Variants in ZFYVE16 observed in about 807,000 individuals in gnomAD.
The protein encoded by ZFYVE16 is zinc finger FYVE-type containing 16.
In ZFYVE16, 89 loss-of-function variants were observed where a neutral mutation model predicts 138.1. That is an observed-to-expected ratio of 0.64 (90% CI 0.54 to 0.77). The LOEUF is 0.77. Among genes scored for constraint, ZFYVE16 ranks in the 30% least tolerant of loss-of-function variants. ZFYVE16 has a pLI of 0.00. For missense variants in ZFYVE16, 1,793 were observed against 1,786.7 expected, an observed-to-expected ratio of 1.00 and a Z score of -0.06; for synonymous variants, 596 against 618.3, an observed-to-expected ratio of 0.96 and a Z score of 0.53.
intron 15 of ZFYVE16, among the ~76,000 whole-genome samples, chr5:80,471,485 C>A (rs1051227078): frequency 6.6e-6 from 1 of 152,190 alleles, no homozygotes; most frequent in South Asian, 2.1e-4. Flanking sequence ...GTGACCATCT[C>A]ACCTCATAAT....
At chr5:80,474,631 C>A (rs771262635) in intron 17 of ZFYVE16, 32 bp from the exon 18 acceptor site, 3 of 1,567,212 alleles carry the variant, frequency 1.9e-6, no homozygotes, top group Admixed American at 3.8e-5. Context: ...TACTTTTAAT[C>A]ATGACTTGTT....
chr5:80,473,135 A>C (rs893769768), intron 16 of ZFYVE16, among the ~76,000 whole-genome samples: 1 of 152,184 alleles, frequency 6.6e-6, no homozygotes, highest in Non-Finnish European at 1.5e-5. Context: ...AGGATGGTCC[A>C]TTTGAGAGGG....
In ZFYVE16 at chr5:80,445,253, T is replaced by C. The variant is rs1751173268; in HGVS notation, c.2582-10T>C. The C allele has an allele frequency of 1.2e-6, 2 of 1,603,912 alleles. No individual in the cohort carries two copies. Among genetic ancestry groups the C allele is most frequent in the African/African-American group, 1.3e-5 (1 of 74,384 alleles). ...AGATTCAAATGTTTTACTTTTTCAA[T>C]TGATTCTAGGACTATGTTCCAAAGA... is the stretch of plus-strand genomic sequence containing the variant. On this transcript the variant is annotated splice_polypyrimidine_tract_variant and intron_variant, in intron 6 of 18. Transcript: ENST00000505560.
intron 7 of ZFYVE16, among the ~76,000 whole-genome samples, chr5:80,446,044 C>T (rs1279798238): frequency 6.6e-6 from 1 of 151,642 alleles, no homozygotes; most frequent in Non-Finnish European, 1.5e-5. Flanking sequence ...TACAGGCATC[C>T]ACCACCACAC....
chr5:80,411,608 C>T (rs1398095654), intron 1 of ZFYVE16: 1 of 152,148 alleles, frequency 6.6e-6, no homozygotes, highest in African/African-American at 2.4e-5. Flanking sequence ...TATCTGATGG[C>T]AGGCTCTTGT....
In ZFYVE16 at chr5:80,438,647, C is replaced by A. The variant is rs1390050947; in HGVS notation, c.1962C>A (p.Ser654Arg). The change falls in exon 4 of 19, where the codon AGC (serine) becomes AGA (arginine). Residue 654 changes from serine to arginine, a missense_variant. By Grantham distance (110) the Ser-to-Arg change is moderately radical. Transcript: ENST00000505560. ...VGGARPKQLF[S>R]LPSRTRSSKD... ...GGGCCAGACCTAAGCAATTGTTTAG[C>A]CTTCCATCAAGAACAAGGAGTTCAA... is the stretch of plus-strand genomic sequence containing the variant. The A allele has an allele frequency of 6.2e-7, 1 of 1,613,910 alleles. No individual in the cohort carries two copies. Among genetic ancestry groups the A allele is most frequent in the African/African-American group, 1.3e-5 (1 of 74,904 alleles).
chr5:80,464,119 C>G (rs758725676), intron 15 of ZFYVE16, among the ~76,000 whole-genome samples: 2 of 152,200 alleles, frequency 1.3e-5, no homozygotes, highest in African/African-American at 2.4e-5. Context: ...TCCAAAGTCA[C>G]TTCCACATTT....
At position 80,477,643 on chromosome 5, in the gene ZFYVE16, T is replaced by C. The variant is rs900066600; in HGVS notation, c.*266T>C. The stretch of plus-strand genomic sequence containing the variant: ...GATTTCTTTTAAGAAATTTATAGCA[T>C]TTACTGTGTTATTTAAATGCTAAGC... On this transcript the variant is annotated 3_prime_UTR_variant, in exon 19 of 19. Coordinates refer to ENST00000505560, the MANE Select transcript of ZFYVE16 (RefSeq NM_001284236.3). 2 of 267,916 alleles carry C rather than the reference T, an allele frequency of 7.5e-6. No individual in the cohort carries two copies. Among genetic ancestry groups the C allele is most frequent in the East Asian group, 8.0e-5 (1 of 12,486 alleles). 16.6% of individuals were successfully genotyped at this position (267,916 alleles called of 1,614,324 possible).
chr5:80,450,385 A>T, intron 9 of ZFYVE16, 46 bp from the exon 10 acceptor site: 1 of 1,568,362 alleles, frequency 6.4e-7, no homozygotes, highest in Non-Finnish European at 8.7e-7. Context: ...TAGTTTTTTG[A>T]CTAATAGAAG....
At chr5:80,450,928 C>G (rs1751929341) in intron 10 of ZFYVE16, among the ~76,000 whole-genome samples, 1 of 150,932 alleles carries the variant, frequency 6.6e-6, no homozygotes, top group Non-Finnish European at 1.5e-5. Flanking sequence ...TCTTCTGCCT[C>G]TGCCTCTCAG....
At chr5:80,461,662 CTCT>C (rs759307109) in intron 15 of ZFYVE16, among the ~76,000 whole-genome samples, 70 of 152,214 alleles carry the variant, frequency 4.6e-4, no homozygotes, top group Admixed American at 1.2e-3. Flanking sequence ...GCTCCAGTAT[CTCT>C]TCTTCTTCTT....
In ZFYVE16 at chr5:80,455,607, T is replaced by C. The variant is rs1181091537; in HGVS notation, c.3608-85T>C. 6.8e-6 allele frequency: 7 copies of C among 1,025,084 alleles called. No homozygotes were observed. The East Asian group carries it at 1.7e-4, about 25-fold the overall frequency. The allele number at this position is 1,025,084 out of a possible 1,614,324, so 63.5% of individuals were successfully genotyped here. Reference sequence around the variant, plus strand: ...GTGATATTTATACATAATGTTTGTTTGTAAAATGAGAGTTGAAGGTAATAA... The same window carrying C: ...GTGATATTTATACATAATGTTTGTTCGTAAAATGAGAGTTGAAGGTAATAA... On this transcript the variant is annotated intron_variant, in intron 11 of 18. Transcript: ENST00000505560.
intron 2 of ZFYVE16, among the ~76,000 whole-genome samples, chr5:80,432,516 A>ATAGG (rs1218431020): frequency 6.6e-6 from 1 of 152,210 alleles, no homozygotes. Flanking sequence ...CATTCAGGAC[A>ATAGG]TAGGCATGGG....
intron 11 of ZFYVE16, among the ~76,000 whole-genome samples, chr5:80,453,127 A>G (rs1326144381): frequency 6.6e-6 from 1 of 152,214 alleles, no homozygotes; most frequent in Non-Finnish European, 1.5e-5. Context: ...GAATAGACAA[A>G]TTGAGAGAAA....
At chr5:80,473,415 G>A (rs1206445325) in intron 16 of ZFYVE16, among the ~76,000 whole-genome samples, 3 of 152,064 alleles carry the variant, frequency 2.0e-5, no homozygotes, top group Non-Finnish European at 2.9e-5. Context: ...TGGCTAAGGG[G>A]TCTGGAGCAA....
At chr5:80,477,145 C>A in intron 18 of ZFYVE16, 74 bp from the exon 19 acceptor site, 1 of 1,223,704 alleles carries the variant, frequency 8.2e-7, no homozygotes, top group Non-Finnish European at 1.1e-6. Flanking sequence ...TAAAATATTT[C>A]ACTTATTTTA....
intron 1 of ZFYVE16, among the ~76,000 whole-genome samples, chr5:80,420,144 G>T (rs1104243): frequency 0.88 from 131,854 of 150,322 alleles, 58,379 homozygotes; most frequent in Non-Finnish European, 0.94. Context: ...TTTAGCTCTG[G>T]CACCCAGGCT....
At chr5:80,433,018 C>T (rs1341596667) in intron 2 of ZFYVE16, among the ~76,000 whole-genome samples, 3 of 152,120 alleles carry the variant, frequency 2.0e-5, no homozygotes, top group African/African-American at 7.2e-5. Flanking sequence ...CCATTGTGGA[C>T]GTCAGTGTGG....
chr5:80,440,272 C>T, intron 5 of ZFYVE16: 2 of 1,143,642 alleles, frequency 1.7e-6, no homozygotes, highest in Non-Finnish European at 2.2e-6. Context: ...TAACTTTTAA[C>T]AGGTACCAAG....
Sources: allele counts gnomAD v4.1 joint callset (sites outside exome capture counted in the v4.1 genomes callset), GRCh38; gene constraint gnomAD v4.1.1; transcripts MANE v1.5; gene names NCBI Gene and HGNC (gene_info 2026-07-23, HGNC 2026-07-21).